FAM13B: variants seen among roughly 807,000 people sequenced by gnomAD.
FAM13B encodes protein FAM13B.
A neutral mutation model predicts 117.3 loss-of-function variants in FAM13B; 60 were observed. The observed-to-expected ratio is 0.51, with a 90% CI of 0.42 to 0.63. The LOEUF (loss-of-function observed/expected upper bound fraction) is 0.63. Ranked by LOEUF, FAM13B falls within the 30% of genes least tolerant of loss-of-function variation. The pLI is 0.00. For missense variants in FAM13B, 972 were observed against 1,091.9 expected, an observed-to-expected ratio of 0.89 and a Z score of 1.55; for synonymous variants, 332 against 356.1, an observed-to-expected ratio of 0.93 and a Z score of 0.76.
intron 20 of FAM13B, among the ~76,000 whole-genome samples, chr5:137,944,157 T>C (rs1029588349): frequency 2.6e-5 from 4 of 152,238 alleles, no homozygotes; most frequent in African/African-American, 9.6e-5. Flanking sequence ...TCATTCAGCT[T>C]GTTTCCAAGG....
At chr5:137,948,295 A>G (rs1278605853) in intron 18 of FAM13B, among the ~76,000 whole-genome samples, 12 of 152,220 alleles carry the variant, frequency 7.9e-5, no homozygotes, top group Non-Finnish European at 8.8e-5. Context: ...GGCATAATGC[A>G]TAAAATATAA....
At chr5:137,951,134 C>T (rs941324928) in intron 17 of FAM13B, among the ~76,000 whole-genome samples, 7 of 133,500 alleles carry the variant, frequency 5.2e-5, no homozygotes, top group Non-Finnish European at 6.2e-5. Flanking sequence ...CGCTTCAGCC[C>T]GGGAGGTGGA....
chr5:137,962,253 T>C, intron 11 of FAM13B, 152 bp downstream of exon 11: 1 of 604,974 alleles, frequency 1.7e-6, no homozygotes, highest in South Asian at 2.6e-5. Flanking sequence ...GTATTTAATA[T>C]CCTTTATGCC....
In FAM13B at chr5:137,988,284, C is replaced by A. The variant is rs891548608; in HGVS notation, c.880G>T (p.Ala294Ser). The A allele has an allele frequency of 1.3e-6, 2 of 1,554,056 alleles. No homozygotes were observed. Among genetic ancestry groups the A allele is most frequent in the Middle Eastern group, 1.9e-4 (1 of 5,246 alleles). The change falls in exon 8 of 24, where the codon GCC (alanine) becomes TCC (serine). Residue 294 changes from alanine to serine, a missense_variant. Coordinates refer to ENST00000689681, the MANE Select transcript of FAM13B (RefSeq NM_001385994.1). ...THISPISILPASTDILERTIR... is the reference protein window; with the variant it reads ...THISPISILPSSTDILERTIR... Reference sequence around the variant, plus strand: ...AAATATACTACTTACTCTGTAGAGGCTGGTAGGATGCTGATGGGAGATATA... The same window carrying A: ...AAATATACTACTTACTCTGTAGAGGATGGTAGGATGCTGATGGGAGATATA...
chr5:138,041,295 A>G (rs1035110764), intron 1 of FAM13B, among the ~76,000 whole-genome samples: 1 of 152,188 alleles, frequency 6.6e-6, no homozygotes, highest in Non-Finnish European at 1.5e-5. Flanking sequence ...ACTATCCAAA[A>G]TAATGGCAAC....
chr5:137,983,511 G>A (rs548230899), intron 10 of FAM13B, among the ~76,000 whole-genome samples: 1 of 152,268 alleles, frequency 6.6e-6, no homozygotes, highest in Admixed American at 6.5e-5. Flanking sequence ...GATGGGGGGA[G>A]TCGAGAGAGG....
At chr5:137,974,203 C>G (rs1773192858) in intron 10 of FAM13B, among the ~76,000 whole-genome samples, 7 of 150,860 alleles carry the variant, frequency 4.6e-5, no homozygotes, top group African/African-American at 1.7e-4. Context: ...TTGGAACCAA[C>G]CCAAATGTCC....
chr5:138,002,660 C>A (rs1781551651), intron 7 of FAM13B, among the ~76,000 whole-genome samples: 1 of 121,342 alleles, frequency 8.2e-6, no homozygotes, highest in Non-Finnish European at 1.6e-5. Context: ...AATCTGTTCC[C>A]TCTATTTTTT....
At chr5:138,033,399 G>T (rs1790715973), upstream of FAM13B, among the ~76,000 whole-genome samples, 1 of 152,200 alleles carries the variant, frequency 6.6e-6, no homozygotes, top group Non-Finnish European at 1.5e-5. Context: ...AGGAAGCCAG[G>T]CCCCCAGGGC....
At chr5:138,037,287 A>C (rs1478248744), upstream of FAM13B, 2 of 153,024 alleles carry the variant, frequency 1.3e-5, no homozygotes, top group Non-Finnish European at 2.9e-5. Flanking sequence ...ATTTATTTGC[A>C]AGATGACTTT....
intron 5 of FAM13B, among the ~76,000 whole-genome samples, 182 bp downstream of exon 5, chr5:138,011,586 G>A (rs917982796): frequency 1.3e-5 from 2 of 151,908 alleles, no homozygotes; most frequent in East Asian, 1.9e-4. Flanking sequence ...TGCCCAGCTA[G>A]TTTTTTTATT....
chr5:137,959,330 T>C (rs572672668), intron 13 of FAM13B, among the ~76,000 whole-genome samples: 2 of 152,322 alleles, frequency 1.3e-5, no homozygotes, highest in African/African-American at 4.8e-5. Context: ...GATTTAAATA[T>C]TAACAAAAAC....
intron 7 of FAM13B, among the ~76,000 whole-genome samples, chr5:138,003,192 T>A (rs1781710104): frequency 6.6e-6 from 1 of 152,142 alleles, no homozygotes; most frequent in South Asian, 2.1e-4. Flanking sequence ...TTTATAAAAA[T>A]TTTTTAATAT....
rs908159996 is a variant in FAM13B, at chr5:137,945,914, G to C, written c.2328C>G (p.Ile776Met). Residue 776 changes from isoleucine (I) to methionine (M), a missense_variant, in exon 20 of 24, where the codon ATC becomes ATG. Transcript: ENST00000689681. The stretch of plus-strand genomic sequence containing the variant: ...TTATTTTACTTACAAGGACAGGAGT[G>C]ATGCTAGCTCTTGTCAGCATTTGTT... Reference protein sequence around the residue: ...LVKQMLTRASITPVLGSPSTK... With the variant: ...LVKQMLTRASMTPVLGSPSTK... 3.7e-6 allele frequency: 6 copies of C among 1,610,344 alleles called. No homozygotes were observed. Among genetic ancestry groups the C allele is most frequent in the Non-Finnish European group, 5.1e-6 (6 of 1,177,026 alleles).
At chr5:137,961,314 AAACAACAACAAC>A (rs56832242) in intron 11 of FAM13B, among the ~76,000 whole-genome samples, 112 of 151,288 alleles carry the variant, frequency 7.4e-4, no homozygotes, top group Admixed American at 2.6e-3. Flanking sequence ...CTTTTTCCAA[AAACAACAACAAC>A]AACAACAACA....
chr5:138,038,479 C>G (rs1338977267), intron 1 of FAM13B: 1 of 152,128 alleles, frequency 6.6e-6, no homozygotes, highest in Admixed American at 6.5e-5. Flanking sequence ...TGAATTTTCT[C>G]CTTGAGGTAG....
chr5:137,956,595 T>A, intron 13 of FAM13B, 53 bp from the exon 14 acceptor site: 1 of 1,378,982 alleles, frequency 7.3e-7, no homozygotes, highest in Non-Finnish European at 1.0e-6. Flanking sequence ...CACAGCACAG[T>A]CAGAACAAAC....
intron 7 of FAM13B, among the ~76,000 whole-genome samples, chr5:138,000,943 CAA>C (rs77100079): frequency 1.8e-4 from 25 of 141,394 alleles, no homozygotes; most frequent in East Asian, 6.3e-4. Context: ...AAACAAAAAA[CAA>C]AAAAAAAAAA....
At chr5:137,956,453 T>C in intron 14 of FAM13B, 24 bp downstream of exon 14, 1 of 1,453,642 alleles carries the variant, frequency 6.9e-7, no homozygotes. Context: ...GCAAAAAAAC[T>C]AAACTATGGT....
Sources: allele counts gnomAD v4.1 joint callset (sites outside exome capture counted in the v4.1 genomes callset), GRCh38; gene constraint gnomAD v4.1.1; transcripts MANE v1.5; gene names NCBI Gene and HGNC (gene_info 2026-07-23, HGNC 2026-07-21).